The following IP6K1 variants were observed in gnomAD, a reference collection of about 807,000 sequenced individuals.
IP6K1 encodes ATP:1D-myo-inositol-hexakisphosphate phosphotransferase.
IP6K1 carries 13 observed loss-of-function variants against 38.3 expected under a neutral mutation model. The ratio of observed to expected loss-of-function variants is 0.34; its 90% CI spans 0.22 to 0.54. The LOEUF is 0.54. Ranked by LOEUF, IP6K1 falls within the 20% of genes least tolerant of loss-of-function variation. The probability of loss-of-function intolerance (pLI) is 0.92; values close to 1 mark genes in which losing one functional copy is unlikely to be tolerated. For missense variants in IP6K1, 397 were observed against 599.8 expected (o/e 0.66, Z 3.53); for synonymous variants, 212 against 229.9 (o/e 0.92, Z 0.70).
At chr3:49,773,055 G>C (rs905251525) in intron 1 of IP6K1, among the ~76,000 whole-genome samples, 3 of 151,524 alleles carry the variant, frequency 2.0e-5, no homozygotes, top group African/African-American at 7.3e-5. Flanking sequence ...GAACTTCTAA[G>C]CTTAACTGAT....
chr3:49,733,055 C>G, intron 3 of IP6K1, 83 bp from the exon 4 acceptor site: 1 of 1,052,398 alleles, frequency 9.5e-7, no homozygotes, highest in Non-Finnish European at 1.4e-6. Flanking sequence ...ACAGATCTGT[C>G]CACAATGACA....
chr3:49,767,235 T>C (rs963137893), intron 1 of IP6K1, among the ~76,000 whole-genome samples: 2 of 151,808 alleles, frequency 1.3e-5, no homozygotes, highest in Admixed American at 6.6e-5. Context: ...GCTACATTCA[T>C]ATCACTCATT....
chr3:49,732,390 C>T (rs894661157), intron 4 of IP6K1, among the ~76,000 whole-genome samples: 3 of 152,150 alleles, frequency 2.0e-5, no homozygotes, highest in Non-Finnish European at 4.4e-5. Context: ...TGATTGTGGA[C>T]ATGATCAATA....
intron 1 of IP6K1, among the ~76,000 whole-genome samples, chr3:49,784,578 G>A (rs1416547727): frequency 6.6e-6 from 1 of 151,812 alleles, no homozygotes; most frequent in African/African-American, 2.4e-5. Context: ...CCAGGAGGCA[G>A]AGGTTGCAGT....
At chr3:49,781,936 A>G (rs2081069234) in intron 1 of IP6K1, among the ~76,000 whole-genome samples, 1 of 151,838 alleles carries the variant, frequency 6.6e-6, no homozygotes. Flanking sequence ...AAAAATTAAA[A>G]TTAAAAATTA....
intron 1 of IP6K1, among the ~76,000 whole-genome samples, chr3:49,759,705 A>C (rs2080852017): frequency 6.6e-6 from 1 of 152,150 alleles, no homozygotes; most frequent in Non-Finnish European, 1.5e-5. Flanking sequence ...ACAACAAAAA[A>C]CGACTTTATT....
rs988909296 is a variant in IP6K1 at position 49,726,389 on chromosome 3, C to G, written c.*733G>C. The stretch of plus-strand genomic sequence containing the variant: ...CTGCTAGGACACCGACTATCCCCCA[C>G]TTCAGTGGGGTGGGAGGGAGTGGCC... On this transcript the variant is annotated 3_prime_UTR_variant, in exon 6 of 6. Coordinates refer to ENST00000321599, the MANE Select transcript of IP6K1 (RefSeq NM_153273.4). The G allele has an allele frequency of 1.3e-5, 2 of 152,760 alleles. No individual in the cohort carries two copies. The highest frequency in any genetic ancestry group is 4.8e-5 in the African/African-American group (2 of 41,472). The allele number at this position is 152,760 out of a possible 1,614,324, so 9.5% of individuals were successfully genotyped here. A position where few individuals can be genotyped will look rare whatever the true frequency, so the allele number is the denominator to read the frequency against.
intron 1 of IP6K1, among the ~76,000 whole-genome samples, chr3:49,761,218 G>C (rs1317355400): frequency 6.6e-6 from 1 of 152,038 alleles, no homozygotes; most frequent in Non-Finnish European, 1.5e-5. Flanking sequence ...GGGAGGCCGA[G>C]GCAGGAGAAT....
At chr3:49,767,503 C>T (rs370527692) in intron 1 of IP6K1, among the ~76,000 whole-genome samples, 3 of 151,914 alleles carry the variant, frequency 2.0e-5, no homozygotes, top group Non-Finnish European at 4.4e-5. Flanking sequence ...TCACTTGAAC[C>T]GGGAGGCGGA....
chr3:49,755,191 C>A (rs1378432299), intron 1 of IP6K1, among the ~76,000 whole-genome samples: 1 of 150,404 alleles, frequency 6.6e-6, no homozygotes, highest in African/African-American at 2.5e-5. Flanking sequence ...CTTGTCTCGG[C>A]CTCCCAAAGT....
intron 1 of IP6K1, among the ~76,000 whole-genome samples, chr3:49,783,943 G>A (rs1454666700): frequency 6.6e-6 from 1 of 152,066 alleles, no homozygotes; most frequent in African/African-American, 2.4e-5. Flanking sequence ...TCTGGGTTCA[G>A]CACCTGCTTT....
intron 1 of IP6K1, among the ~76,000 whole-genome samples, chr3:49,777,847 G>A (rs1044293614): frequency 3.3e-5 from 5 of 152,038 alleles, no homozygotes; most frequent in African/African-American, 9.7e-5. Flanking sequence ...CCCGGGAGGC[G>A]GAGCTTGCAG....
intron 1 of IP6K1, among the ~76,000 whole-genome samples, chr3:49,760,390 G>A (rs527424284): frequency 2.6e-5 from 4 of 152,202 alleles, no homozygotes; most frequent in Admixed American, 6.5e-5. Flanking sequence ...TTGGGAGGCC[G>A]AGGTGGGCAG....
Position 49,727,293 on chromosome 3 carries a change from C to T in IP6K1, c.1155G>A (p.Ala385=), listed in dbSNP as rs146488757. 46 of 1,614,034 alleles carry T rather than the reference C, an allele frequency of 2.9e-5. No individual in the cohort carries two copies. The highest frequency in any genetic ancestry group is 1.5e-4 in the African/African-American group (11 of 74,930). ...CCACCTTGGGCTGAGAGGAGGGACC[C>T]GCCTCGGGGCTGGTGTTGCTGGGGC... is the stretch of plus-strand genomic sequence containing the variant. ...STSPSNTSPE[A]GPSSQPKVDV... is the part of the protein sequence containing the mutation. The change falls in exon 6 of 6, where the codon GCG becomes GCA. Residue 385 remains alanine (A), a synonymous_variant. Coordinates refer to ENST00000321599, the MANE Select transcript of IP6K1 (RefSeq NM_153273.4). The surrounding 1 kb of genome is among the most constrained non-coding windows in gnomAD (Gnocchi z 5.9).
At chr3:49,774,018 C>CACA (rs1491447235) in intron 1 of IP6K1, among the ~76,000 whole-genome samples, 5 of 102,998 alleles carry the variant, frequency 4.9e-5, no homozygotes, top group African/African-American at 1.7e-4. Context: ...CACACACACA[C>CACA]AACACACACA....
intron 1 of IP6K1, among the ~76,000 whole-genome samples, chr3:49,774,162 T>C (rs1352694336): frequency 6.6e-6 from 1 of 151,914 alleles, no homozygotes; most frequent in Non-Finnish European, 1.5e-5. Flanking sequence ...TCCCAGCACT[T>C]TGGGAGGCCA....
intron 1 of IP6K1, among the ~76,000 whole-genome samples, chr3:49,764,125 G>A (rs1017791173): frequency 3.9e-5 from 6 of 151,962 alleles, no homozygotes; most frequent in Non-Finnish European, 2.9e-5. Context: ...GCTCATGCCT[G>A]TAATTGCACA....
At position 49,727,667 on chromosome 3, in the gene IP6K1, G is replaced by C. The variant is rs72936049; in HGVS notation, c.793-12C>G. 4.5e-3 allele frequency: 7,207 copies of C among 1,609,416 alleles called. 277 individuals are homozygous for C. The African/African-American group carries it at 0.087, about 19-fold the overall frequency. ...TCCAGCTGGTACACCTGAAACCCCA[G>C]GAGGCAGACAGGGTGAGTGCCAGGG... On this transcript the variant is annotated splice_polypyrimidine_tract_variant and intron_variant, in intron 5 of 5. Transcript: ENST00000321599. The surrounding 1 kb of genome is among the most constrained non-coding windows in gnomAD (Gnocchi z 5.9).
At chr3:49,744,271 G>A (rs1361188447) in intron 2 of IP6K1, among the ~76,000 whole-genome samples, 43 of 151,296 alleles carry the variant, frequency 2.8e-4, no homozygotes, top group Admixed American at 2.6e-3. Context: ...GCTTGGTGGC[G>A]GGAGCCTGTA....
Sources: gnomAD v4.1 joint callset for allele counts (sites outside exome capture counted in the v4.1 genomes callset) on GRCh38, gnomAD v4.1.1 for gene constraint, Gnocchi (gnomAD v3.1) non-coding constraint, MANE v1.5 for transcripts, NCBI Gene and HGNC (gene_info 2026-07-23, HGNC 2026-07-21) for gene names.